GIN1: variants seen among roughly 807,000 people sequenced by gnomAD.
GIN1 encodes gypsy retrotransposon integrase-like protein 1.
In GIN1, 41 loss-of-function variants were observed where a neutral mutation model predicts 51.4. The ratio of observed to expected loss-of-function variants is 0.80; its 90% CI spans 0.62 to 1.04. The LOEUF (loss-of-function observed/expected upper bound fraction) is 1.04, where lower values mean the gene tolerates loss of function less well. Ranked by LOEUF, GIN1 falls within the 50% of genes least tolerant of loss-of-function variation. The pLI, the probability that GIN1 is intolerant of heterozygous loss-of-function variation, is 0.00. For synonymous variants in GIN1, 222 were observed against 206.5 expected, an observed-to-expected ratio of 1.07 and a Z score of -0.64; for missense variants, 610 against 612.4, an observed-to-expected ratio of 1.00 and a Z score of 0.04.
At chr5:103,110,113 G>C (rs1207866553) in intron 1 of GIN1, among the ~76,000 whole-genome samples, 1 of 151,008 alleles carries the variant, frequency 6.6e-6, no homozygotes, top group Non-Finnish European at 1.5e-5. Context: ...ACTTAAATGT[G>C]AAAGATAAAT....
intron 3 of GIN1, 106 bp from the exon 4 acceptor site, chr5:103,104,952 T>G (rs1787683772): frequency 2.9e-6 from 2 of 691,266 alleles, no homozygotes; most frequent in Admixed American, 3.1e-5. Context: ...TAGGTATACT[T>G]TGTGTTTTGA....
At chr5:103,119,781 ACT>A (rs1183323252) in intron 1 of GIN1, among the ~76,000 whole-genome samples, 6 of 152,282 alleles carry the variant, frequency 3.9e-5, no homozygotes, top group African/African-American at 1.4e-4. Context: ...GTCCAACCAC[ACT>A]CAGAATCAGC....
chr5:103,087,815 C>A lies in GIN1; in HGVS notation c.*83G>T. ...TCATTAAGAATGTGTCAAGATACTT[C>A]TTCTATACAACGTTTTTAATGAATA... On this transcript the variant is annotated 3_prime_UTR_variant, in exon 8 of 8. Coordinates refer to ENST00000399004, the MANE Select transcript of GIN1 (RefSeq NM_017676.2). 1 of 601,310 alleles carries A rather than the reference C, an allele frequency of 1.7e-6. No individual in the cohort carries two copies. Among genetic ancestry groups the A allele is most frequent in the Non-Finnish European group, 2.8e-6 (1 of 351,854 alleles). 37.2% of individuals were successfully genotyped at this position (601,310 alleles called of 1,614,324 possible).
intron 3 of GIN1, 70 bp from the exon 4 acceptor site, chr5:103,104,916 A>C: frequency 1.1e-6 from 1 of 948,158 alleles, no homozygotes; most frequent in Non-Finnish European, 1.6e-6. Flanking sequence ...AAGCAGTCTT[A>C]TAAATCTGAA....
At chr5:103,092,396 A>T (rs1373124381) in intron 7 of GIN1, among the ~76,000 whole-genome samples, 8 of 152,192 alleles carry the variant, frequency 5.3e-5, no homozygotes, top group Admixed American at 3.3e-4. Context: ...GCTTCAAAAA[A>T]GTCTGATTTA....
intron 7 of GIN1, among the ~76,000 whole-genome samples, chr5:103,095,125 ATATAACTTGTTTATATTGT>A (rs1562326599): frequency 1.3e-5 from 2 of 152,200 alleles, no homozygotes; most frequent in Non-Finnish European, 2.9e-5. Flanking sequence ...AAAGCCTGTC[ATATAACTTGTTTATATTGT>A]TATAAATATA....
At chr5:103,101,202 T>C (rs782642870) in intron 4 of GIN1, among the ~76,000 whole-genome samples, 1 of 152,158 alleles carries the variant, frequency 6.6e-6, no homozygotes, top group Non-Finnish European at 1.5e-5. Flanking sequence ...TACTAACCAC[T>C]ACATTTGATC....
At chr5:103,092,798 C>T (rs1378642230) in intron 7 of GIN1, among the ~76,000 whole-genome samples, 1 of 151,500 alleles carries the variant, frequency 6.6e-6, no homozygotes, top group African/African-American at 2.4e-5. Context: ...ACGAAAAACT[C>T]AGCCAGGCAT....
Position 103,086,772 on chromosome 5 carries a change from G to C in GIN1, c.*1126C>G, listed in dbSNP as rs1787085677. 4.6e-5 allele frequency: 7 copies of C among 152,258 alleles called. No homozygotes were observed. The South Asian group carries it at 1.5e-3, about 32-fold the overall frequency. 9.4% of individuals were successfully genotyped at this position (152,258 alleles called of 1,614,324 possible). Reference sequence around the variant, plus strand: ...GGCTTACATAGTTTATTACCTACCAGACAGTAAGTCCTTTATAAGAATGAG... The same window carrying C: ...GGCTTACATAGTTTATTACCTACCACACAGTAAGTCCTTTATAAGAATGAG... On this transcript the variant is annotated 3_prime_UTR_variant, in exon 8 of 8. Transcript: ENST00000399004.
Position 103,108,608 on chromosome 5 carries a change from T to C in GIN1, c.100A>G (p.Ser34Gly), listed in dbSNP as rs1375789675. ...YHSTTLPSER[S>G]GIRRAAKKFV... ...TTTTTTGCTGCTCTTCTTATGCCAC[T>C]TCTCTCACTTGGCAGTGTAGTTGAA... is the stretch of plus-strand genomic sequence containing the variant. Residue 34 changes from serine (S) to glycine (G), a missense_variant, in exon 2 of 8, where the codon AGT becomes GGT. Physicochemically the swap from Ser to Gly is moderately conservative, Grantham distance 56 (BLOSUM62 0). Coordinates refer to ENST00000399004, the MANE Select transcript of GIN1 (RefSeq NM_017676.2). The C allele has an allele frequency of 6.2e-7, 1 of 1,605,922 alleles. No homozygotes were observed. The highest frequency in any genetic ancestry group is 8.5e-7 in the Non-Finnish European group (1 of 1,173,978).
At position 103,088,072 on chromosome 5, in the gene GIN1, T is replaced by C; in HGVS notation, c.1395A>G (p.Glu465=). The change falls in exon 8 of 8, where the codon GAA becomes GAG. Residue 465 remains glutamate (E), a synonymous_variant. Transcript: ENST00000399004. The stretch of plus-strand genomic sequence containing the variant: ...TATCGACTATACCAATAGTTGCATC[T>C]TCCACCAGAATATTTGCTTGATATG... The part of the protein sequence containing the change: ...IGAYQANILV[E]DATIGIVDNE... 6.2e-7 allele frequency: 1 copy of C among 1,610,978 alleles called. No homozygotes were observed. Among genetic ancestry groups the C allele is most frequent in the Non-Finnish European group, 8.5e-7 (1 of 1,177,304 alleles).
chr5:103,097,287 TAC>T, intron 6 of GIN1, 25 bp downstream of exon 6: 1 of 1,380,800 alleles, frequency 7.2e-7, no homozygotes, highest in South Asian at 1.2e-5. Context: ...AGTTTTAGAT[TAC>T]AGTTTTTCTA....
chr5:103,096,600 A>G lies in GIN1; in HGVS notation c.1235T>C (p.Leu412Pro). The G allele has an allele frequency of 6.2e-7, 1 of 1,613,544 alleles. No homozygotes were observed. Among genetic ancestry groups the G allele is most frequent in the Middle Eastern group, 1.7e-4 (1 of 6,060 alleles). ...AVLRDNTGVRLKRPIKMSHLK... is the reference protein window; with the variant it reads ...AVLRDNTGVRPKRPIKMSHLK... ...GTGGGACATTTTGATAGGTCTTTTCAGTCTAACCCCAGTGTTGTCTCTCAG... is the reference window on the plus strand; with the variant it reads ...GTGGGACATTTTGATAGGTCTTTTCGGTCTAACCCCAGTGTTGTCTCTCAG... Residue 412 changes from leucine (L) to proline (P), a missense_variant, in exon 7 of 8, where the codon CTG becomes CCG. Leu to Pro is a moderately conservative substitution (Grantham distance 98). Coordinates refer to ENST00000399004, the MANE Select transcript of GIN1 (RefSeq NM_017676.2).
intron 1 of GIN1, among the ~76,000 whole-genome samples, chr5:103,117,852 C>A (rs907328838): frequency 6.6e-6 from 1 of 152,048 alleles, no homozygotes; most frequent in African/African-American, 2.4e-5. Flanking sequence ...TGAGTACATG[C>A]GCTGACACTT....
In GIN1 at chr5:103,087,939, G is replaced by T; in HGVS notation, c.1528C>A (p.Leu510Met). 6.3e-7 allele frequency: 1 copy of T among 1,591,286 alleles called. No homozygotes were observed. Among genetic ancestry groups the T allele is most frequent in the South Asian group, 1.1e-5 (1 of 89,866 alleles). ...AGAACCTGGTTTGAAGAGTCCAACAGACTGAAAGTCTGCTTTTCAAGAGAA... is the reference window on the plus strand; with the variant it reads ...AGAACCTGGTTTGAAGAGTCCAACATACTGAAAGTCTGCTTTTCAAGAGAA... The part of the protein sequence containing the change: ...HSSLEKQTFS[L>M]LDSSNQVLEY... Residue 510 changes from leucine to methionine, a missense_variant, in exon 8 of 8, where the codon CTG becomes ATG. Transcript: ENST00000399004.
intron 7 of GIN1, among the ~76,000 whole-genome samples, chr5:103,093,503 TA>T (rs1554194744): frequency 6.6e-6 from 1 of 152,228 alleles, no homozygotes; most frequent in Non-Finnish European, 1.5e-5. Context: ...TTTAGCCCAG[TA>T]AGATCTATGT....
chr5:103,101,611 A>G (rs1787577108), intron 4 of GIN1, among the ~76,000 whole-genome samples: 1 of 152,180 alleles, frequency 6.6e-6, no homozygotes, highest in African/African-American at 2.4e-5. Flanking sequence ...TTTCACTGCA[A>G]AAATCTAAGC....
chr5:103,106,843 T>C lies in GIN1; in HGVS notation c.206A>G (p.Glu69Gly), dbSNP rs1787739988. Residue 69 changes from glutamate (E) to glycine (G), a missense_variant, in exon 3 of 8, where the codon GAA becomes GGA. Glu to Gly is a moderately conservative substitution (Grantham distance 98, BLOSUM62 -2). Coordinates refer to ENST00000399004, the MANE Select transcript of GIN1 (RefSeq NM_017676.2). ...QNRLVIVSEEEKKKVLRECHE... is the reference protein window; with the variant it reads ...QNRLVIVSEEGKKKVLRECHE... ...GCATTCTCTTAAGACTTTCTTTTTT[T>C]CCTCTTCTGAAACAATTACCAAACG... The C allele has an allele frequency of 6.2e-7, 1 of 1,602,540 alleles. No homozygotes were observed. Among genetic ancestry groups the C allele is most frequent in the East Asian group, 2.2e-5 (1 of 44,526 alleles).
At position 103,117,581 on chromosome 5, in the gene GIN1, T is replaced by C. The variant is rs78563813; in HGVS notation, c.-8+2483A>G. On this transcript the variant is annotated intron_variant, in intron 1 of 7. Coordinates refer to ENST00000399004, the MANE Select transcript of GIN1 (RefSeq NM_017676.2). ...GGTTCTCTATATGAAGAAAAAAATA[T>C]ACACACACACACACACACATATCAT... Among the ~76,000 whole-genome samples, 282 of 149,486 alleles carry C rather than the reference T, an allele frequency of 1.9e-3. 3 individuals carry two copies. The highest frequency in any genetic ancestry group is 0.01 in the Middle Eastern group (3 of 288).
Sources: gnomAD v4.1 joint callset for allele counts (sites outside exome capture counted in the v4.1 genomes callset) on GRCh38, gnomAD v4.1.1 for gene constraint, MANE v1.5 for transcripts, NCBI Gene and HGNC (gene_info 2026-07-23, HGNC 2026-07-21) for gene names.